ADAMTSL3: variants seen among roughly 807,000 people sequenced by gnomAD.
The protein encoded by ADAMTSL3 is ADAMTS-like protein 3.
In ADAMTSL3, 128 loss-of-function variants were observed where a neutral mutation model predicts 201.7. That is an observed-to-expected ratio of 0.63 (90% confidence interval 0.55 to 0.73). The LOEUF is 0.73. Ranked by LOEUF, ADAMTSL3 falls within the 30% of genes least tolerant of loss-of-function variation. ADAMTSL3 has a pLI of 0.00. For synonymous variants in ADAMTSL3, 738 were observed against 748.4 expected (o/e 0.99, Z 0.23); for missense variants, 1,990 against 2,119.6 (o/e 0.94, Z 1.20).
intron 23 of ADAMTSL3, 21 bp from the exon 24 acceptor site, chr15:84,014,521 A>G (rs2068055451): frequency 1.9e-6 from 3 of 1,606,436 alleles, no homozygotes; most frequent in East Asian, 2.2e-5. Context: ...TGCCTTTGTC[A>G]TATTTGTTTT....
intron 3 of ADAMTSL3, among the ~76,000 whole-genome samples, chr15:83,723,592 G>A (rs111410822): frequency 2.6e-5 from 4 of 152,236 alleles, no homozygotes; most frequent in African/African-American, 9.6e-5. Context: ...GGATTTCTGA[G>A]ATGGAATATT....
intron 5 of ADAMTSL3, among the ~76,000 whole-genome samples, chr15:83,810,067 A>G (rs778049002): frequency 6.6e-6 from 1 of 152,090 alleles, no homozygotes; most frequent in Non-Finnish European, 1.5e-5. Context: ...TGACATTTCT[A>G]TCTGTATCTC....
At chr15:83,739,739 G>GC (rs2062425367) in intron 3 of ADAMTSL3, 1 of 428,746 alleles carries the variant, frequency 2.3e-6, no homozygotes, top group Non-Finnish European at 4.7e-6. Flanking sequence ...CTTGTCACCA[G>GC]CCCTTCACCT....
chr15:83,678,451 G>A (rs1334246349), intron 2 of ADAMTSL3, among the ~76,000 whole-genome samples: 1 of 151,440 alleles, frequency 6.6e-6, no homozygotes, highest in Non-Finnish European at 1.5e-5. Flanking sequence ...CTTGAAACAC[G>A]TTGTGCTACT....
chr15:83,758,993 T>C (rs1328313773), intron 3 of ADAMTSL3, among the ~76,000 whole-genome samples: 3 of 152,208 alleles, frequency 2.0e-5, no homozygotes, highest in Non-Finnish European at 4.4e-5. Flanking sequence ...TTGTAGGCAC[T>C]GCTTCCTTGT....
intron 7 of ADAMTSL3, among the ~76,000 whole-genome samples, chr15:83,846,861 C>T (rs2064508847): frequency 6.6e-6 from 1 of 152,178 alleles, no homozygotes; most frequent in Non-Finnish European, 1.5e-5. Context: ...GAGAGTTACA[C>T]TATGATGCTC....
At chr15:83,676,387 C>G (rs1436013904) in intron 2 of ADAMTSL3, among the ~76,000 whole-genome samples, 1 of 152,138 alleles carries the variant, frequency 6.6e-6, no homozygotes, top group Non-Finnish European at 1.5e-5. Context: ...ATGTTAAAAT[C>G]TTACCCTTTG....
intron 22 of ADAMTSL3, among the ~76,000 whole-genome samples, chr15:83,990,531 C>A (rs1166447013): frequency 1.3e-5 from 2 of 152,104 alleles, no homozygotes; most frequent in Non-Finnish European, 2.9e-5. Context: ...TTGGAAAAAA[C>A]CTCTTATTAC....
intron 4 of ADAMTSL3, among the ~76,000 whole-genome samples, chr15:83,802,859 G>A (rs980990330): frequency 5.3e-5 from 8 of 152,144 alleles, no homozygotes; most frequent in African/African-American, 1.9e-4. Flanking sequence ...TTTTTAAGTA[G>A]GGAAAAGGAG....
intron 17 of ADAMTSL3, among the ~76,000 whole-genome samples, chr15:83,940,687 GCTT>G (rs946062327): frequency 1.3e-5 from 2 of 152,112 alleles, no homozygotes; most frequent in Non-Finnish European, 2.9e-5. Context: ...TGATTAATTT[GCTT>G]CTTTTTTATT....
chr15:83,843,826 A>T (rs888359226), intron 7 of ADAMTSL3, among the ~76,000 whole-genome samples: 1 of 152,268 alleles, frequency 6.6e-6, no homozygotes, highest in Non-Finnish European at 1.5e-5. Flanking sequence ...GCCTGGAGCC[A>T]AAACCTTTGC....
intron 11 of ADAMTSL3, among the ~76,000 whole-genome samples, chr15:83,890,542 A>G (rs969747325): frequency 6.6e-6 from 1 of 152,218 alleles, no homozygotes; most frequent in East Asian, 1.9e-4. Flanking sequence ...CCATCTGCCA[A>G]TCATAAATAT....
At chr15:83,986,311 C>T (rs1360033389) in intron 21 of ADAMTSL3, among the ~76,000 whole-genome samples, 1 of 152,028 alleles carries the variant, frequency 6.6e-6, no homozygotes, top group Non-Finnish European at 1.5e-5. Flanking sequence ...ATAGAGGAGC[C>T]TGGTCAGTTT....
chr15:83,954,408 A>G (rs2142072525), intron 19 of ADAMTSL3, among the ~76,000 whole-genome samples: 2 of 152,150 alleles, frequency 1.3e-5, no homozygotes, highest in East Asian at 3.9e-4. Context: ...TGTTAAATTT[A>G]TCTGATAGAA....
intron 19 of ADAMTSL3, among the ~76,000 whole-genome samples, chr15:83,968,267 T>A (rs542739925): frequency 3.9e-5 from 6 of 152,032 alleles, no homozygotes; most frequent in Admixed American, 2.6e-4. Context: ...GGGAGAAAAA[T>A]TTTGCAATCT....
chr15:83,834,321 A>G (rs1339077556), intron 6 of ADAMTSL3, among the ~76,000 whole-genome samples: 14 of 152,166 alleles, frequency 9.2e-5, no homozygotes, highest in Admixed American at 8.5e-4. Context: ...CCTAACTTCA[A>G]AGGGGGTGGA....
intron 20 of ADAMTSL3, among the ~76,000 whole-genome samples, chr15:83,974,812 G>A (rs1264468363): frequency 1.3e-5 from 2 of 152,058 alleles, no homozygotes; most frequent in Non-Finnish European, 2.9e-5. Context: ...CTTTGGTAAA[G>A]AAGAATTTTT....
At chr15:83,755,221 T>C (rs2141683996) in intron 3 of ADAMTSL3, among the ~76,000 whole-genome samples, 1 of 152,340 alleles carries the variant, frequency 6.6e-6, no homozygotes, top group African/African-American at 2.4e-5. Context: ...ACCTTGGTGT[T>C]GCCTGTACTC....
chr15:83,872,930 A>T (rs2065109737), intron 9 of ADAMTSL3, among the ~76,000 whole-genome samples: 1 of 145,936 alleles, frequency 6.9e-6, no homozygotes, highest in Admixed American at 6.7e-5. Context: ...ATACATTTCA[A>T]AATGGAAACA....
Sources: gnomAD v4.1 joint callset for allele counts (sites outside exome capture counted in the v4.1 genomes callset) on GRCh38, gnomAD v4.1.1 for gene constraint, MANE v1.5 for transcripts, NCBI Gene and HGNC (gene_info 2026-07-23, HGNC 2026-07-21) for gene names.